The following GRID2 variants were observed in gnomAD, a reference collection of about 807,000 sequenced individuals.
GRID2 encodes the protein glutamate ionotropic receptor delta type subunit 2.
In GRID2, 33 loss-of-function variants were observed where a neutral mutation model predicts 114.8. That is an observed-to-expected ratio of 0.29 (90% CI 0.22 to 0.38). The LOEUF is 0.38. Ranked by LOEUF, GRID2 falls within the 10% of genes least tolerant of loss-of-function variation. GRID2 has a pLI of 1.00. For synonymous variants in GRID2, 505 were observed against 449.9 expected (o/e 1.12, Z -1.55); for missense variants, 1,184 against 1,257.7 (o/e 0.94, Z 0.89).
chr4:93,032,186 G>A (rs527411979), intron 2 of GRID2, among the ~76,000 whole-genome samples: 1 of 152,078 alleles, frequency 6.6e-6, no homozygotes, highest in African/African-American at 2.4e-5. Flanking sequence ...TCAGCTCTAG[G>A]ACAGCCCTGA....
At chr4:93,766,968 T>C (rs530301113) in intron 14 of GRID2, among the ~76,000 whole-genome samples, 1 of 152,328 alleles carries the variant, frequency 6.6e-6, no homozygotes, top group African/African-American at 2.4e-5. Context: ...ATCATTTAAA[T>C]GATATTCATG....
At chr4:93,449,852 A>G (rs1580119484) in intron 10 of GRID2, among the ~76,000 whole-genome samples, 1 of 152,158 alleles carries the variant, frequency 6.6e-6, no homozygotes, top group East Asian at 1.9e-4. Context: ...TGGTAAAATA[A>G]AGTTGACATA....
intron 2 of GRID2, among the ~76,000 whole-genome samples, chr4:92,615,068 A>C (rs1406492291): frequency 6.6e-6 from 1 of 151,500 alleles, no homozygotes; most frequent in Non-Finnish European, 1.5e-5. Context: ...AACAATAGTA[A>C]TATATTTCTT....
chr4:93,604,175 A>G (rs1053011363), intron 13 of GRID2, among the ~76,000 whole-genome samples: 4 of 152,246 alleles, frequency 2.6e-5, no homozygotes, highest in Non-Finnish European at 5.9e-5. Context: ...CAGTAAGAAC[A>G]TTCACTGTTC....
Position 92,590,337 on chromosome 4 carries a change from T to C in GRID2, c.244+51T>C, listed in dbSNP as rs769531690. 5.5e-5 allele frequency: 70 copies of C among 1,261,870 alleles called. No individual in the cohort carries two copies. In the South Asian group the frequency reaches 8.8e-4, roughly 16 times the overall value. The allele number at this position is 1,261,870 out of a possible 1,614,324, so 78.2% of individuals were successfully genotyped here. On this transcript the variant is annotated intron_variant, in intron 2 of 15. Transcript: ENST00000282020. Reference sequence around the variant, plus strand: ...TTTTTTGGTTCAATTCAAGTGGCAATGAAATTATCTTTGATGAAACTTATT... The same window carrying C: ...TTTTTTGGTTCAATTCAAGTGGCAACGAAATTATCTTTGATGAAACTTATT...
At chr4:93,717,908 A>G (rs1729039519) in intron 14 of GRID2, among the ~76,000 whole-genome samples, 1 of 152,168 alleles carries the variant, frequency 6.6e-6, no homozygotes, top group South Asian at 2.1e-4. Context: ...AGAGTAAGAA[A>G]CATATTTATG....
chr4:93,704,066 G>T (rs1441399912), intron 14 of GRID2, among the ~76,000 whole-genome samples: 1 of 152,068 alleles, frequency 6.6e-6, no homozygotes, highest in African/African-American at 2.4e-5. Flanking sequence ...CTGAGGAATC[G>T]CCACACTGAC....
intron 2 of GRID2, among the ~76,000 whole-genome samples, chr4:92,602,862 G>A (rs1027380963): frequency 1.3e-5 from 2 of 152,098 alleles, no homozygotes; most frequent in African/African-American, 2.4e-5. Flanking sequence ...AATGTCTCAG[G>A]ATACAAAATC....
At chr4:93,712,720 TGA>T (rs1420660033) in intron 14 of GRID2, among the ~76,000 whole-genome samples, 2 of 152,170 alleles carry the variant, frequency 1.3e-5, no homozygotes, top group African/African-American at 4.8e-5. Flanking sequence ...CCATAATGTG[TGA>T]GATGAAAATA....
chr4:92,407,896 TG>T (rs1287782243), intron 1 of GRID2, among the ~76,000 whole-genome samples: 1 of 152,196 alleles, frequency 6.6e-6, no homozygotes, highest in East Asian at 1.9e-4. Context: ...CTGTTTACTT[TG>T]TTGGTAATTT....
chr4:93,450,368 G>C (rs1722566237), intron 10 of GRID2, among the ~76,000 whole-genome samples: 1 of 151,756 alleles, frequency 6.6e-6, no homozygotes, highest in African/African-American at 2.4e-5. Flanking sequence ...TTTCATCTTA[G>C]AAAAAGCAAC....
At chr4:92,517,091 G>T (rs962097765) in intron 1 of GRID2, among the ~76,000 whole-genome samples, 1 of 142,650 alleles carries the variant, frequency 7.0e-6, no homozygotes, top group African/African-American at 2.4e-5. Context: ...CTCTTTGCTT[G>T]TATAATAATG....
At chr4:92,691,447 A>T (rs539285155) in intron 2 of GRID2, among the ~76,000 whole-genome samples, 5 of 152,218 alleles carry the variant, frequency 3.3e-5, no homozygotes, top group African/African-American at 1.2e-4. Context: ...CTGTCCCTAA[A>T]CTTAAGGAGC....
chr4:93,152,015 C>T (rs975386161), intron 4 of GRID2, among the ~76,000 whole-genome samples: 1 of 151,926 alleles, frequency 6.6e-6, no homozygotes, highest in East Asian at 1.9e-4. Context: ...TCTAGTTTCA[C>T]GTGGTAAAAT....
chr4:92,636,933 C>G (rs1463400852), intron 2 of GRID2, among the ~76,000 whole-genome samples: 1 of 151,866 alleles, frequency 6.6e-6, no homozygotes, highest in Non-Finnish European at 1.5e-5. Context: ...AGCCTGAGTT[C>G]AAACTTCCAT....
chr4:93,124,263 A>G (rs887822588), intron 4 of GRID2, among the ~76,000 whole-genome samples: 6 of 152,194 alleles, frequency 3.9e-5, no homozygotes, highest in African/African-American at 1.4e-4. Context: ...CATCAGATTT[A>G]ATTAAAATGA....
At chr4:93,671,952 G>A (rs929750026) in intron 14 of GRID2, among the ~76,000 whole-genome samples, 5 of 152,054 alleles carry the variant, frequency 3.3e-5, no homozygotes, top group Non-Finnish European at 7.3e-5. Flanking sequence ...TCCAGCCTGG[G>A]TGACAGAGCA....
intron 1 of GRID2, among the ~76,000 whole-genome samples, chr4:92,504,619 G>A (rs1723861686): frequency 6.6e-6 from 1 of 151,772 alleles, no homozygotes; most frequent in Admixed American, 6.6e-5. Context: ...TCACTAATAA[G>A]GTTCAGCCTC....
chr4:93,293,813 G>T (rs1268556539), intron 8 of GRID2, among the ~76,000 whole-genome samples: 1 of 152,142 alleles, frequency 6.6e-6, no homozygotes, highest in Non-Finnish European at 1.5e-5. Context: ...ATTCATTCAT[G>T]TACTATTTAT....
Sources: allele counts gnomAD v4.1 joint callset (sites outside exome capture counted in the v4.1 genomes callset), GRCh38; gene constraint gnomAD v4.1.1; transcripts MANE v1.5; gene names NCBI Gene and HGNC (gene_info 2026-07-23, HGNC 2026-07-21).